MAPKAPK3: variants seen among roughly 807,000 people sequenced by gnomAD.
MAPKAPK3 encodes MAPK activated protein kinase 3.
In MAPKAPK3, 35 loss-of-function variants were observed where a neutral mutation model predicts 49.2. The observed-to-expected ratio is 0.71, with a 90% CI of 0.54 to 0.94. The LOEUF (loss-of-function observed/expected upper bound fraction) is 0.94, where lower values mean the gene tolerates loss of function less well. Among genes scored for constraint, MAPKAPK3 ranks in the 40% least tolerant of loss-of-function variants. The probability of loss-of-function intolerance (pLI) is 0.00; values close to 1 mark genes in which losing one functional copy is unlikely to be tolerated. For missense variants in MAPKAPK3, 398 were observed against 493.1 expected (o/e 0.81, Z 1.83); for synonymous variants, 178 against 188.7 (o/e 0.94, Z 0.46).
intron 2 of MAPKAPK3, among the ~76,000 whole-genome samples, chr3:50,628,977 A>G (rs2032834954): frequency 6.6e-6 from 1 of 152,140 alleles, no homozygotes; most frequent in African/African-American, 2.4e-5. Context: ...GGCTGCCACA[A>G]AGAAGTGAAG....
At chr3:50,640,332 G>A in intron 2 of MAPKAPK3, 34 bp from the exon 3 acceptor site, 2 of 1,600,166 alleles carry the variant, frequency 1.2e-6, no homozygotes, top group Non-Finnish European at 1.7e-6. Context: ...AGAGGGCTCT[G>A]AGCCTGACAC....
rs1283225219 is a variant in MAPKAPK3 at position 50,640,370 on chromosome 3, T to C, written c.224T>C (p.Leu75Pro). The C allele has an allele frequency of 1.9e-6, 3 of 1,613,450 alleles. No homozygotes were observed. The highest frequency in any genetic ancestry group is 2.7e-5 in the African/African-American group (2 of 74,908). ...RTGQKCALKL[L>P]YDSPKARQEV... ...TCTATGTGCACCCACCTACAGCTCC[T>C]GTATGACAGCCCCAAGGCCCGGCAG... Residue 75 changes from leucine (L) to proline (P), a missense_variant, in exon 3 of 11, where the codon CTG (leucine) becomes CCG (proline). Physicochemically the swap from Leu to Pro is moderately conservative, Grantham distance 98. Around this residue, in one of 5 missense-constraint regions of MAPKAPK3, gnomAD observed 123 missense variants for 117.7 expected, o/e 1.04. Coordinates refer to ENST00000621469, the MANE Select transcript of MAPKAPK3 (RefSeq NM_001243925.2).
intron 2 of MAPKAPK3, among the ~76,000 whole-genome samples, chr3:50,625,779 C>T (rs960785382): frequency 6.6e-6 from 1 of 152,182 alleles, no homozygotes; most frequent in Admixed American, 6.5e-5. Flanking sequence ...TTGCCTGTCT[C>T]GTGTGTTTCA....
chr3:50,646,099 C>T (rs1484105466), intron 7 of MAPKAPK3, 41 bp from the exon 8 acceptor site: 1 of 1,600,590 alleles, frequency 6.2e-7, no homozygotes, highest in Non-Finnish European at 8.5e-7. Context: ...CACCCTGGCA[C>T]TGCTCCCACC....
intron 2 of MAPKAPK3, among the ~76,000 whole-genome samples, chr3:50,637,879 G>A (rs1457967950): frequency 2.6e-5 from 4 of 152,144 alleles, no homozygotes; most frequent in Non-Finnish European, 5.9e-5. Context: ...AGTAAGGCCT[G>A]TTTGGGAACA....
intron 2 of MAPKAPK3, among the ~76,000 whole-genome samples, chr3:50,632,058 A>G (rs1014981962): frequency 1.3e-5 from 2 of 152,254 alleles, no homozygotes; most frequent in Non-Finnish European, 2.9e-5. Flanking sequence ...CCTGGCCCAC[A>G]TGCCAGGCGA....
At chr3:50,632,458 A>C (rs2107586643) in intron 2 of MAPKAPK3, among the ~76,000 whole-genome samples, 1 of 152,318 alleles carries the variant, frequency 6.6e-6, no homozygotes, top group East Asian at 1.9e-4. Flanking sequence ...TAGAATTATA[A>C]AATGTCTGAA....
chr3:50,625,225 C>T (rs559986624), intron 2 of MAPKAPK3, among the ~76,000 whole-genome samples: 31 of 152,114 alleles, frequency 2.0e-4, no homozygotes, highest in Middle Eastern at 3.4e-3. Context: ...CAACATAGGC[C>T]GGCAGACACT....
At chr3:50,627,537 G>T (rs2032789747) in intron 2 of MAPKAPK3, among the ~76,000 whole-genome samples, 1 of 152,174 alleles carries the variant, frequency 6.6e-6, no homozygotes. Flanking sequence ...GTACTTCATG[G>T]ACTAATTAAG....
At chr3:50,632,106 G>A (rs2032929351) in intron 2 of MAPKAPK3, among the ~76,000 whole-genome samples, 1 of 152,262 alleles carries the variant, frequency 6.6e-6, no homozygotes, top group African/African-American at 2.4e-5. Context: ...TCTTCATGGA[G>A]GAATCCATAT....
intron 2 of MAPKAPK3, among the ~76,000 whole-genome samples, chr3:50,638,818 G>A (rs756673596): frequency 6.6e-6 from 1 of 152,238 alleles, no homozygotes; most frequent in Non-Finnish European, 1.5e-5. Flanking sequence ...CCATCCTGCA[G>A]AGGAGGAAAT....
chr3:50,644,578 C>T (rs766607927), intron 6 of MAPKAPK3, 46 bp downstream of exon 6: 1 of 1,607,344 alleles, frequency 6.2e-7, no homozygotes, highest in Non-Finnish European at 8.5e-7. Context: ...CCAACTTATA[C>T]AGCTGTATTA....
At chr3:50,612,963 C>G (rs1354399084), upstream of MAPKAPK3, 2 of 152,186 alleles carry the variant, frequency 1.3e-5, no homozygotes, top group Non-Finnish European at 2.9e-5. Context: ...GGTCCCAGCT[C>G]TGAATCAGAA....
intron 3 of MAPKAPK3, 69 bp from the exon 4 acceptor site, chr3:50,641,638 T>G (rs551562759): frequency 4.7e-6 from 6 of 1,289,608 alleles, no homozygotes; most frequent in Non-Finnish European, 3.4e-6. Context: ...GGCCTATGAT[T>G]TGGGGCAGGG....
At chr3:50,646,379 C>G in intron 8 of MAPKAPK3, 115 bp downstream of exon 8, 1 of 1,405,956 alleles carries the variant, frequency 7.1e-7, no homozygotes. Flanking sequence ...CCCCCTCTTT[C>G]CAGCTATGGG....
chr3:50,642,189 A>C, intron 4 of MAPKAPK3, 64 bp from the exon 5 acceptor site: 1 of 1,049,222 alleles, frequency 9.5e-7, no homozygotes, highest in South Asian at 1.3e-5. Context: ...TCCAGGAGGG[A>C]TGATAGGGTG....
chr3:50,641,580 A>G (rs1238715285), intron 3 of MAPKAPK3, 127 bp from the exon 4 acceptor site: 13 of 763,540 alleles, frequency 1.7e-5, no homozygotes, highest in Non-Finnish European at 3.0e-5. Context: ...GGAGGCTGAC[A>G]GTGGCTGTTC....
At chr3:50,633,604 T>G (rs1392942354) in intron 2 of MAPKAPK3, among the ~76,000 whole-genome samples, 1 of 151,962 alleles carries the variant, frequency 6.6e-6, no homozygotes, top group Non-Finnish European at 1.5e-5. Flanking sequence ...CAGGGAGGGG[T>G]TGTCTGGGTG....
chr3:50,646,913 C>T (rs2033313714), intron 9 of MAPKAPK3, 88 bp downstream of exon 9: 2 of 1,363,706 alleles, frequency 1.5e-6, no homozygotes, highest in Non-Finnish European at 2.1e-6. Context: ...CTTTGAGGCC[C>T]CAGTGCAGGG....
Sources: gnomAD v4.1 joint callset for allele counts (sites outside exome capture counted in the v4.1 genomes callset) on GRCh38, gnomAD v4.1.1 for gene constraint, gnomAD v4.1.1 regional missense constraint, MANE v1.5 for transcripts, NCBI Gene and HGNC (gene_info 2026-07-23, HGNC 2026-07-21) for gene names.